The following ENOX1 variants were observed in gnomAD, a reference collection of about 807,000 sequenced individuals.
ENOX1 encodes candidate growth-related and time keeping constitutive hydroquinone (NADH) oxidase.
A neutral mutation model predicts 82.5 loss-of-function variants in ENOX1; 42 were observed. That is an observed-to-expected ratio of 0.51 (90% CI 0.40 to 0.66). The LOEUF (loss-of-function observed/expected upper bound fraction) is 0.66, where lower values mean the gene tolerates loss of function less well. Among genes scored for constraint, ENOX1 ranks in the 30% least tolerant of loss-of-function variants. The probability of loss-of-function intolerance (pLI) is 0.00; values close to 1 mark genes in which losing one functional copy is unlikely to be tolerated. For missense variants in ENOX1, 608 were observed against 811.6 expected, an observed-to-expected ratio of 0.75 and a Z score of 3.05; for synonymous variants, 271 against 282.2, an observed-to-expected ratio of 0.96 and a Z score of 0.40.
chr13:43,539,124 T>G (rs1251707278), intron 2 of ENOX1, among the ~76,000 whole-genome samples: 1 of 152,174 alleles, frequency 6.6e-6, no homozygotes, highest in Non-Finnish European at 1.5e-5. Context: ...CACCTGGCTC[T>G]TGGCTTTGAT....
Position 43,224,053 on chromosome 13 carries a change from CT to C in ENOX1, c.1799del (p.Lys600ArgfsTer7). 6.2e-7 allele frequency: 1 copy of C among 1,612,876 alleles called. No homozygotes were observed. The highest frequency in any genetic ancestry group is 1.7e-5 in the Admixed American group (1 of 60,000). On this transcript the variant is annotated frameshift_variant and splice_region_variant, in exon 16 of 17. Coordinates refer to ENST00000690772, the MANE Select transcript of ENOX1 (RefSeq NM_001347969.2). LOFTEE classifies it high-confidence loss of function. The stretch of plus-strand genomic sequence containing the variant: ...AGTTCACTCGAGCAAAATAATTTAC[CT>C]TGGAGTCCAGCTGCTGCATGTATGA... The part of the protein sequence containing the change: ...LWSYMQQLDS[K>X]ISANEIEMLL...
Position 43,776,390 on chromosome 13 carries a change from G to A in ENOX1, c.-285+10262C>T, listed in dbSNP as rs189143288. Among the ~76,000 whole-genome samples, 67 of 152,214 alleles carry A rather than the reference G, an allele frequency of 4.4e-4. 3 individuals carry two copies. Among genetic ancestry groups the A allele is most frequent in the African/African-American group, 1.5e-3 (64 of 41,520 alleles). ...AGGGACAGAGATTCCTAGTGGCAGG[G>A]GTGAAGTTATAAATGCAGGTAACGT... On this transcript the variant is annotated intron_variant, in intron 1 of 16. Coordinates refer to ENST00000690772, the MANE Select transcript of ENOX1 (RefSeq NM_001347969.2).
intron 3 of ENOX1, among the ~76,000 whole-genome samples, chr13:43,470,832 A>C (rs2058037694): frequency 6.6e-6 from 1 of 152,066 alleles, no homozygotes; most frequent in Admixed American, 6.6e-5. Context: ...ATCACCACAA[A>C]CCCACCAAAA....
rs186143294 is a variant in ENOX1 at position 43,647,228 on chromosome 13, C to A, written c.-219+20251G>T. On this transcript the variant is annotated intron_variant, in intron 2 of 16. Coordinates refer to ENST00000690772, the MANE Select transcript of ENOX1 (RefSeq NM_001347969.2). ...TCAGTCACTTAGGCAATTTATTTAA[C>A]CTTTGTGTGCCTTAGTGTCATCATG... is the stretch of plus-strand genomic sequence containing the variant. Among the ~76,000 whole-genome samples, 123 of 152,262 alleles carry A rather than the reference C, an allele frequency of 8.1e-4. 2 individuals are homozygous for A. Among genetic ancestry groups the A allele is most frequent in the Non-Finnish European group, 4.1e-4 (28 of 68,008 alleles).
intron 11 of ENOX1, among the ~76,000 whole-genome samples, chr13:43,318,227 T>A (rs773156914): frequency 6.6e-6 from 1 of 152,230 alleles, no homozygotes; most frequent in Admixed American, 6.5e-5. Flanking sequence ...CTTCTAACAT[T>A]TGTGTTCAAA....
At chr13:43,300,469 G>T (rs553123433) in intron 11 of ENOX1, among the ~76,000 whole-genome samples, 1 of 152,120 alleles carries the variant, frequency 6.6e-6, no homozygotes, top group African/African-American at 2.4e-5. Context: ...ATAAAAGAGG[G>T]CTTTGGAAGA....
At chr13:43,750,791 T>C (rs1397644480) in intron 1 of ENOX1, among the ~76,000 whole-genome samples, 1 of 152,206 alleles carries the variant, frequency 6.6e-6, no homozygotes, top group Non-Finnish European at 1.5e-5. Context: ...TCAGGCCCAT[T>C]CAAAACAAAA....
At chr13:43,434,937 G>GTTTTTTT (rs537775258) in intron 3 of ENOX1, among the ~76,000 whole-genome samples, 9 of 75,890 alleles carry the variant, frequency 1.2e-4, no homozygotes, top group South Asian at 4.6e-4. Flanking sequence ...TGTGTGTGTG[G>GTTTTTTT]TTTTTTTTTT....
chr13:43,248,852 T>C (rs910544362), intron 14 of ENOX1, among the ~76,000 whole-genome samples: 1 of 152,162 alleles, frequency 6.6e-6, no homozygotes, highest in African/African-American at 2.4e-5. Context: ...AACATATATA[T>C]GTGTTTGCAT....
chr13:43,575,700 T>A (rs761471437), intron 2 of ENOX1, among the ~76,000 whole-genome samples: 2 of 152,226 alleles, frequency 1.3e-5, no homozygotes, highest in Non-Finnish European at 2.9e-5. Flanking sequence ...ACCAGAAGAA[T>A]AAGACATAGA....
chr13:43,464,705 G>A (rs570660003), intron 3 of ENOX1, among the ~76,000 whole-genome samples: 15 of 152,222 alleles, frequency 9.9e-5, no homozygotes, highest in African/African-American at 2.4e-4. Context: ...GGCCTGGTAC[G>A]TTTGTGACAA....
At chr13:43,336,617 T>C (rs1286536912) in intron 9 of ENOX1, among the ~76,000 whole-genome samples, 1 of 152,214 alleles carries the variant, frequency 6.6e-6, no homozygotes, top group Non-Finnish European at 1.5e-5. Flanking sequence ...CAGAGTAATA[T>C]CTGATTGCCT....
intron 1 of ENOX1, among the ~76,000 whole-genome samples, chr13:43,782,737 T>A (rs2153854440): frequency 6.6e-6 from 1 of 152,344 alleles, no homozygotes; most frequent in South Asian, 2.1e-4. Context: ...CCTCAAAATG[T>A]ATTACACACA....
intron 12 of ENOX1, among the ~76,000 whole-genome samples, chr13:43,291,223 T>C (rs1349683806): frequency 1.3e-5 from 2 of 152,228 alleles, no homozygotes; most frequent in Non-Finnish European, 2.9e-5. Context: ...CATCCCTCAC[T>C]ACTTCTGCAC....
intron 12 of ENOX1, among the ~76,000 whole-genome samples, chr13:43,297,331 T>A (rs1409878052): frequency 6.6e-6 from 1 of 152,190 alleles, no homozygotes; most frequent in Non-Finnish European, 1.5e-5. Flanking sequence ...TACAGAGCAG[T>A]CAATATGGAT....
At chr13:43,239,009 AG>A (rs2042686239) in intron 14 of ENOX1, among the ~76,000 whole-genome samples, 1 of 152,146 alleles carries the variant, frequency 6.6e-6, no homozygotes, top group Non-Finnish European at 1.5e-5. Flanking sequence ...TCACATAGAA[AG>A]GGGGACTCTG....
chr13:43,573,300 A>G (rs1199665882), intron 2 of ENOX1, among the ~76,000 whole-genome samples: 1 of 152,098 alleles, frequency 6.6e-6, no homozygotes, highest in Non-Finnish European at 1.5e-5. Context: ...CACCATTCTG[A>G]GTGTCTGCAA....
intron 1 of ENOX1, among the ~76,000 whole-genome samples, chr13:43,695,711 G>GT (rs1377555211): frequency 6.6e-6 from 1 of 152,138 alleles, no homozygotes; most frequent in Non-Finnish European, 1.5e-5. Context: ...GCCTTCCAAA[G>GT]TGCTGGGATT....
chr13:43,453,705 G>T (rs2057082977), intron 3 of ENOX1, among the ~76,000 whole-genome samples: 1 of 152,178 alleles, frequency 6.6e-6, no homozygotes, highest in Non-Finnish European at 1.5e-5. Flanking sequence ...TAAACAGGTA[G>T]GGAAGTGTTC....
Sources: allele counts gnomAD v4.1 joint callset (sites outside exome capture counted in the v4.1 genomes callset), GRCh38; gene constraint gnomAD v4.1.1; transcripts MANE v1.5; gene names NCBI Gene and HGNC (gene_info 2026-07-23, HGNC 2026-07-21).